ANO2: variants seen among roughly 807,000 people sequenced by gnomAD.
The protein encoded by ANO2 is anoctamin-2.
ANO2 carries 101 observed loss-of-function variants against 124.2 expected under a neutral mutation model. That is an observed-to-expected ratio of 0.81 (90% confidence interval 0.69 to 0.96). The LOEUF is 0.96. Ranked by LOEUF, ANO2 falls within the 40% of genes least tolerant of loss-of-function variation. ANO2 has a pLI of 0.00. For missense variants in ANO2, 1,293 were observed against 1,274.5 expected (o/e 1.01, Z -0.22); for synonymous variants, 486 against 482.5 (o/e 1.01, Z -0.09).
chr12:5,595,688 T>C (rs780872944), intron 20 of ANO2, among the ~76,000 whole-genome samples: 76 of 152,152 alleles, frequency 5.0e-4, no homozygotes, highest in Non-Finnish European at 1.0e-3. Context: ...GCCATCAGCG[T>C]GTGTACCAAA....
intron 7 of ANO2, among the ~76,000 whole-genome samples, chr12:5,808,883 A>G (rs1405785028): frequency 6.6e-6 from 1 of 151,978 alleles, no homozygotes; most frequent in African/African-American, 2.4e-5. Flanking sequence ...CCCATTTGCC[A>G]CAGTTCCAGG....
intron 16 of ANO2, among the ~76,000 whole-genome samples, chr12:5,623,289 G>A (rs566989029): frequency 3.9e-5 from 6 of 152,050 alleles, no homozygotes; most frequent in African/African-American, 1.5e-4. Context: ...TATTATTCAC[G>A]TGCCCCCTAA....
rs771122715 is a variant in ANO2 at position 5,692,931 on chromosome 12, G to A, written c.1545+39589C>T. 4.6e-5 allele frequency among the ~76,000 whole-genome samples: 7 copies of A among 152,160 alleles called. No individual in the cohort carries two copies. In the East Asian group the frequency reaches 5.8e-4, roughly 13 times the overall value. ...TTGTTTATTAACAATAATGGGAGAC[G>A]TTAATAACTCCTTTCATCCTGAGAC... On this transcript the variant is annotated intron_variant, in intron 14 of 24. Transcript: ENST00000682330.
chr12:5,597,127 G>A (rs1280695059), intron 20 of ANO2, among the ~76,000 whole-genome samples: 3 of 152,046 alleles, frequency 2.0e-5, no homozygotes, highest in Non-Finnish European at 2.9e-5. Flanking sequence ...GTTTAGGGGT[G>A]CAAGTGCAGG....
At chr12:5,762,837 T>A (rs1591586112) in intron 10 of ANO2, among the ~76,000 whole-genome samples, 1 of 145,308 alleles carries the variant, frequency 6.9e-6, no homozygotes, top group Non-Finnish European at 1.5e-5. Flanking sequence ...ATAGCGAAAA[T>A]TTTTTCTTCG....
intron 15 of ANO2, among the ~76,000 whole-genome samples, chr12:5,645,448 C>T (rs944386855): frequency 6.6e-6 from 1 of 151,236 alleles, no homozygotes; most frequent in African/African-American, 2.5e-5. Flanking sequence ...TGTGTGTGTA[C>T]ACATATATAT....
At chr12:5,610,296 T>C (rs183109685) in intron 19 of ANO2, among the ~76,000 whole-genome samples, 2,327 of 106,210 alleles carry the variant, frequency 0.022, 112 homozygotes, top group African/African-American at 0.088. Context: ...CATAAATATA[T>C]AAATGCATAT....
intron 4 of ANO2, among the ~76,000 whole-genome samples, chr12:5,838,503 C>G (rs1440271637): frequency 1.3e-5 from 2 of 152,146 alleles, no homozygotes; most frequent in Non-Finnish European, 2.9e-5. Flanking sequence ...AGGTCTCCCC[C>G]GTAGTACACA....
chr12:5,680,377 G>GA (rs1565559633), intron 14 of ANO2, among the ~76,000 whole-genome samples: 1 of 152,058 alleles, frequency 6.6e-6, no homozygotes, highest in Non-Finnish European at 1.5e-5. Context: ...GAGGGATATT[G>GA]AAAAAAAGGA....
rs925959047 is a variant in ANO2, at chr12:5,799,560, T to C, written c.1002A>G (p.Gln334=). The change falls in exon 10 of 25, where the codon CAA becomes CAG. Residue 334 remains glutamine, a synonymous_variant. Coordinates refer to ENST00000682330, the MANE Select transcript of ANO2 (RefSeq NM_001364791.2). ...DDMNDRKLLY[Q]EWARYGVFYK... ...AGAACACTCCATAGCGCGCCCATTC[T>C]TGATATAGCAGCTAAACAAAGAAAA... 1 of 1,613,830 alleles carries C rather than the reference T, an allele frequency of 6.2e-7. No homozygotes were observed. Among genetic ancestry groups the C allele is most frequent in the African/African-American group, 1.3e-5 (1 of 74,942 alleles).
chr12:5,630,538 C>T (rs914548560), intron 16 of ANO2, among the ~76,000 whole-genome samples: 3 of 152,194 alleles, frequency 2.0e-5, no homozygotes, highest in Non-Finnish European at 2.9e-5. Context: ...AATAAGATCA[C>T]ATCCTTCTGT....
intron 7 of ANO2, 141 bp downstream of exon 7, chr12:5,827,628 T>A: frequency 9.7e-7 from 1 of 1,028,410 alleles, no homozygotes. Context: ...GGCAGGCTTC[T>A]CAGCCCAAGC....
intron 1 of ANO2, among the ~76,000 whole-genome samples, chr12:5,923,268 A>G (rs1014248970): frequency 1.8e-5 from 2 of 112,266 alleles, no homozygotes; most frequent in African/African-American, 1.8e-4. Context: ...ACACACACAC[A>G]CACACACACA....
In ANO2 at chr12:5,897,367, T is replaced by G. The variant is rs140131890; in HGVS notation, c.534+23673A>C. 7.0e-4 allele frequency among the ~76,000 whole-genome samples: 106 copies of G among 152,262 alleles called. 1 individual carries two copies. Among genetic ancestry groups the G allele is most frequent in the African/African-American group, 2.1e-3 (88 of 41,546 alleles). ...AAAAAAAACTGCTCAGGTTAGCACC[T>G]ACTAGAAACCCTGGCCACCCATACA... On this transcript the variant is annotated intron_variant, in intron 3 of 24. Transcript: ENST00000682330.
At chr12:5,942,271 G>A (rs1942927422) in intron 1 of ANO2, among the ~76,000 whole-genome samples, 1 of 152,170 alleles carries the variant, frequency 6.6e-6, no homozygotes, top group Admixed American at 6.5e-5. Flanking sequence ...TTTTTAAAGT[G>A]TAATGGGGTA....
chr12:5,629,990 A>G (rs971210275), intron 16 of ANO2, among the ~76,000 whole-genome samples: 11 of 152,224 alleles, frequency 7.2e-5, no homozygotes, highest in African/African-American at 2.7e-4. Flanking sequence ...CTAGCGGTAG[A>G]TATCATTCTC....
intron 14 of ANO2, among the ~76,000 whole-genome samples, chr12:5,670,680 T>C (rs146674917): frequency 5.5e-4 from 83 of 152,136 alleles, no homozygotes; most frequent in Middle Eastern, 3.4e-3. Context: ...GACTAGAGGC[T>C]TGTACCACCA....
chr12:5,760,279 T>C (rs1332777479), intron 10 of ANO2, among the ~76,000 whole-genome samples: 1 of 152,194 alleles, frequency 6.6e-6, no homozygotes, highest in Non-Finnish European at 1.5e-5. Flanking sequence ...TCCCCTTAGA[T>C]AATATTAATT....
At chr12:5,616,249 T>C (rs1944802239) in intron 16 of ANO2, among the ~76,000 whole-genome samples, 2 of 152,192 alleles carry the variant, frequency 1.3e-5, no homozygotes, top group East Asian at 1.9e-4. Flanking sequence ...GGTTTGCAAG[T>C]CTGAGATCAA....
Sources: allele counts gnomAD v4.1 joint callset (sites outside exome capture counted in the v4.1 genomes callset), GRCh38; gene constraint gnomAD v4.1.1; transcripts MANE v1.5; gene names NCBI Gene and HGNC (gene_info 2026-07-23, HGNC 2026-07-21).